Variants in RAB11B observed in about 807,000 individuals in gnomAD.
The protein encoded by RAB11B is RAB11B, member RAS oncogene family.
A neutral mutation model predicts 23.7 loss-of-function variants in RAB11B; 7 were observed. The observed-to-expected ratio is 0.29, with a 90% CI of 0.17 to 0.55. The LOEUF (loss-of-function observed/expected upper bound fraction) is 0.55, where lower values mean the gene tolerates loss of function less well. RAB11B is among the 20% of genes least tolerant of loss of function. The pLI, the probability that RAB11B is intolerant of heterozygous loss-of-function variation, is 0.93. For missense variants in RAB11B, 189 were observed against 320.0 expected (o/e 0.59, Z 3.12); for synonymous variants, 138 against 132.0 (o/e 1.05, Z -0.31).
chr19:8,398,307 C>G (rs1971411877), intron 1 of RAB11B, among the ~76,000 whole-genome samples: 1 of 152,256 alleles, frequency 6.6e-6, no homozygotes, highest in South Asian at 2.1e-4. Context: ...CCCACAAACC[C>G]TCATCTCTGT....
chr19:8,403,501 G>A lies in RAB11B; in HGVS notation c.600G>A (p.Val200=). 6.2e-7 allele frequency: 1 copy of A among 1,614,036 alleles called. No homozygotes were observed. Among genetic ancestry groups the A allele is most frequent in the Non-Finnish European group, 8.5e-7 (1 of 1,179,948 alleles). The change falls in exon 5 of 5, where the codon GTG becomes GTA. Residue 200 remains valine, a synonymous_variant. Transcript: ENST00000328024. ...SPGNNVVDIS[V]PPTTDGQKPN... ...GGAACAACGTGGTGGACATCAGCGT[G>A]CCGCCCACCACGGACGGACAGAAGC...
chr19:8,401,964 T>C, intron 2 of RAB11B, 122 bp from the exon 3 acceptor site: 2 of 971,120 alleles, frequency 2.1e-6, no homozygotes, highest in South Asian at 3.4e-5. Flanking sequence ...GAGGCCACAA[T>C]GACTGCCCCT....
intron 1 of RAB11B, among the ~76,000 whole-genome samples, chr19:8,394,163 G>T (rs906112576): frequency 1.3e-5 from 2 of 152,196 alleles, no homozygotes; most frequent in African/African-American, 2.4e-5. Flanking sequence ...TGGTTGGGCA[G>T]CTCAGCCTCT....
rs1003447287 is a variant in RAB11B, at chr19:8,403,943, C to T, written c.*385C>T. The T allele has an allele frequency of 1.0e-4, 19 of 182,692 alleles. No individual in the cohort carries two copies. The highest frequency in any genetic ancestry group is 9.8e-4 in the Admixed American group (16 of 16,314). The allele number at this position is 182,692 out of a possible 1,614,324, so 11.3% of individuals were successfully genotyped here. A position where few individuals can be genotyped will look rare whatever the true frequency, so the allele number is the denominator to read the frequency against. Reference sequence around the variant, plus strand: ...TGACCGGGTGGCCCAGCCAGCCCGTCGTCCCCACCCAGAACCGTGCTCTGG... The same window carrying T: ...TGACCGGGTGGCCCAGCCAGCCCGTTGTCCCCACCCAGAACCGTGCTCTGG... On this transcript the variant is annotated 3_prime_UTR_variant, in exon 5 of 5. Transcript: ENST00000328024.
intron 1 of RAB11B, among the ~76,000 whole-genome samples, chr19:8,394,648 G>A (rs896023714): frequency 1.3e-5 from 2 of 152,308 alleles, no homozygotes; most frequent in African/African-American, 4.8e-5. Flanking sequence ...AAAACTGATG[G>A]GGCTGGGTGC....
chr19:8,403,528 C>T lies in RAB11B; in HGVS notation c.627C>T (p.Pro209=), dbSNP rs1451334400. 2.5e-6 allele frequency: 4 copies of T among 1,613,790 alleles called. No individual in the cohort carries two copies. The highest frequency in any genetic ancestry group is 3.4e-6 in the Non-Finnish European group (4 of 1,179,808). ...CGCCCACCACGGACGGACAGAAGCCCAACAAGCTGCAGTGCTGCCAGAACC... is the reference window on the plus strand; with the variant it reads ...CGCCCACCACGGACGGACAGAAGCCTAACAAGCTGCAGTGCTGCCAGAACC... ...SVPPTTDGQK[P]NKLQCCQNL is the part of the protein sequence containing the mutation. The change falls in exon 5 of 5, where the codon CCC becomes CCT. Residue 209 remains proline, a synonymous_variant. Coordinates refer to ENST00000328024, the MANE Select transcript of RAB11B (RefSeq NM_004218.4).
intron 1 of RAB11B, chr19:8,390,691 C>T: frequency 2.5e-6 from 1 of 401,392 alleles, no homozygotes; most frequent in Non-Finnish European, 4.3e-6. Context: ...CGCGCCGGGG[C>T]GGGGCCAGAG....
chr19:8,397,206 G>C (rs1239917263), intron 1 of RAB11B, among the ~76,000 whole-genome samples: 2 of 152,134 alleles, frequency 1.3e-5, no homozygotes, highest in Non-Finnish European at 2.9e-5. Context: ...TGAGGGGCCT[G>C]GGGCCCCTGA....
At position 8,403,661 on chromosome 19, in the gene RAB11B, C is replaced by G; in HGVS notation, c.*103C>G. ...TCCCTCTGTGGCCGGCTCGTTCCAGCCCTCCCAGTGAGCTCTGCACGGCCG... is the reference window on the plus strand; with the variant it reads ...TCCCTCTGTGGCCGGCTCGTTCCAGGCCTCCCAGTGAGCTCTGCACGGCCG... On this transcript the variant is annotated 3_prime_UTR_variant, in exon 5 of 5. Transcript: ENST00000328024. The G allele has an allele frequency of 6.8e-7, 1 of 1,478,400 alleles. No individual in the cohort carries two copies. Among genetic ancestry groups the G allele is most frequent in the Non-Finnish European group, 9.1e-7 (1 of 1,099,818 alleles). The allele number at this position is 1,478,400 out of a possible 1,614,324, so 91.6% of individuals were successfully genotyped here. A position where few individuals can be genotyped will look rare whatever the true frequency, so the allele number is the denominator to read the frequency against.
At chr19:8,391,942 G>C (rs1314969063) in intron 1 of RAB11B, among the ~76,000 whole-genome samples, 1 of 152,072 alleles carries the variant, frequency 6.6e-6, no homozygotes. Context: ...GGTTGATAAT[G>C]TCACTGGTGG....
intron 2 of RAB11B, 151 bp downstream of exon 2, chr19:8,400,209 T>C (rs1458328609): frequency 3.1e-6 from 3 of 962,580 alleles, no homozygotes; most frequent in East Asian, 5.3e-5. Flanking sequence ...GCTTTAGCCA[T>C]GCGCCGTGGG....
At chr19:8,398,756 T>C (rs758916681) in intron 1 of RAB11B, among the ~76,000 whole-genome samples, 27 of 152,072 alleles carry the variant, frequency 1.8e-4, no homozygotes, top group Non-Finnish European at 3.4e-4. Flanking sequence ...CCGTGACAGC[T>C]GCCTACTCGT....
intron 1 of RAB11B, 105 bp from the exon 2 acceptor site, chr19:8,399,758 C>A: frequency 7.6e-7 from 1 of 1,317,092 alleles, no homozygotes; most frequent in Non-Finnish European, 1.1e-6. Context: ...TCCTCCACAC[C>A]GTTGGCAGCC....
intron 2 of RAB11B, among the ~76,000 whole-genome samples, chr19:8,400,877 C>T (rs564416683): frequency 1.3e-5 from 2 of 152,036 alleles, no homozygotes; most frequent in South Asian, 2.1e-4. Flanking sequence ...CGTGAGCCAC[C>T]GTGCCTGGCT....
At chr19:8,391,992 C>T (rs1328641006) in intron 1 of RAB11B, among the ~76,000 whole-genome samples, 3 of 151,972 alleles carry the variant, frequency 2.0e-5, no homozygotes, top group Non-Finnish European at 4.4e-5. Context: ...CCCAAGGTCT[C>T]GCCCCTCGTG....
Position 8,390,364 on chromosome 19 carries a change from G to A in RAB11B, c.-53G>A. 1 of 1,499,020 alleles carries A rather than the reference G, an allele frequency of 6.7e-7. No homozygotes were observed. Among genetic ancestry groups the A allele is most frequent in the South Asian group, 1.3e-5 (1 of 77,464 alleles). The allele number at this position is 1,499,020 out of a possible 1,614,324, so 92.9% of individuals were successfully genotyped here. A position where few individuals can be genotyped will look rare whatever the true frequency, so the allele number is the denominator to read the frequency against. ...CGCGGCGCCGGCTCCGCCCCCGTCG[G>A]GTGTTTGTGGTGGGGCTGCGGAGTC... On this transcript the variant is annotated 5_prime_UTR_variant, in exon 1 of 5. Transcript: ENST00000328024.
Position 8,390,385 on chromosome 19 carries a change from G to A in RAB11B, c.-32G>A, listed in dbSNP as rs754646694. ...GTCGGGTGTTTGTGGTGGGGCTGCG[G>A]AGTCGCCGATCCCGCCGGAAGCGCC... On this transcript the variant is annotated 5_prime_UTR_variant, in exon 1 of 5. Coordinates refer to ENST00000328024, the MANE Select transcript of RAB11B (RefSeq NM_004218.4). 6 of 1,526,940 alleles carry A rather than the reference G, an allele frequency of 3.9e-6. No individual in the cohort carries two copies. Among genetic ancestry groups the A allele is most frequent in the Non-Finnish European group, 4.4e-6 (5 of 1,141,190 alleles). 94.6% of individuals were successfully genotyped at this position (1,526,940 alleles called of 1,614,324 possible). A position where few individuals can be genotyped will look rare whatever the true frequency, so the allele number is the denominator to read the frequency against.
In RAB11B at chr19:8,393,914, T is replaced by A. The variant is rs1971377411; in HGVS notation, c.40+3458T>A. Among the ~76,000 whole-genome samples the A allele has an allele frequency of 4.6e-5, 7 of 152,330 alleles. No homozygotes were observed. In the South Asian group the frequency reaches 1.5e-3, roughly 32 times the overall value. On this transcript the variant is annotated intron_variant, in intron 1 of 4. Coordinates refer to ENST00000328024, the MANE Select transcript of RAB11B (RefSeq NM_004218.4). ...AGTTCTTTGTTTTTGCCAACCGGGC[T>A]TGCCTGCTCTGTCAGCCAAGTGGCG...
intron 4 of RAB11B, 78 bp from the exon 5 acceptor site, chr19:8,403,335 G>A: frequency 1.3e-6 from 2 of 1,541,518 alleles, no homozygotes; most frequent in Non-Finnish European, 1.8e-6. Context: ...GGCCTCTGGA[G>A]TCCTGCAGGG....
Sources: gnomAD v4.1 joint callset for allele counts (sites outside exome capture counted in the v4.1 genomes callset) on GRCh38, gnomAD v4.1.1 for gene constraint, MANE v1.5 for transcripts, NCBI Gene and HGNC (gene_info 2026-07-23, HGNC 2026-07-21) for gene names.